The following SOAT1 variants were observed in gnomAD, a reference collection of about 807,000 sequenced individuals.
The protein encoded by SOAT1 is acyl-coenzyme A:cholesterol acyltransferase 1.
SOAT1 carries 55 observed loss-of-function variants against 69.5 expected under a neutral mutation model. The ratio of observed to expected loss-of-function variants is 0.79; its 90% CI spans 0.64 to 0.99. The LOEUF (loss-of-function observed/expected upper bound fraction) is 0.99. Among genes scored for constraint, SOAT1 ranks in the 50% least tolerant of loss-of-function variants. The pLI is 0.00. For synonymous variants in SOAT1, 231 were observed against 224.7 expected (o/e 1.03, Z -0.25); for missense variants, 580 against 669.3 (o/e 0.87, Z 1.47).
chr1:179,323,036 CT>C (rs1289815273), intron 2 of SOAT1, among the ~76,000 whole-genome samples: 3 of 118,210 alleles, frequency 2.5e-5, no homozygotes, highest in Non-Finnish European at 3.5e-5. Context: ...ATTTTCTTTT[CT>C]TTTCTTTCTT....
Position 179,337,836 on chromosome 1 carries a change from G to A in SOAT1, c.330-1G>A, listed in dbSNP as rs1231311536. ...CTTGTTTTAATTTTTCCTCTTCTCAGGGATTTGAGAGCACCTCCAGAACAA... is the reference window on the plus strand; with the variant it reads ...CTTGTTTTAATTTTTCCTCTTCTCAAGGATTTGAGAGCACCTCCAGAACAA... On this transcript the variant is annotated splice_acceptor_variant, in intron 4 of 15. Transcript: ENST00000367619. LOFTEE classifies it high-confidence loss of function. 1.9e-6 allele frequency: 3 copies of A among 1,607,106 alleles called. No individual in the cohort carries two copies. The highest frequency in any genetic ancestry group is 2.6e-6 in the Non-Finnish European group (3 of 1,176,294).
chr1:179,302,832 A>G (rs777905334), intron 2 of SOAT1, 30 bp downstream of exon 2: 42 of 1,194,910 alleles, frequency 3.5e-5, no homozygotes, highest in Middle Eastern at 4.0e-4. Context: ...TTTTAGGTGA[A>G]TTAGTGAAAT....
chr1:179,343,739 T>C (rs1666422416), intron 10 of SOAT1, 104 bp downstream of exon 10: 1 of 817,492 alleles, frequency 1.2e-6, no homozygotes, highest in South Asian at 1.6e-5. Flanking sequence ...TAAGAATGCT[T>C]TCTGTTGACA....
Position 179,351,358 on chromosome 1 carries a change from AT to A in SOAT1, c.1495del (p.Trp499GlyfsTer4). ...TGTCAATGATAGTCGGAAAAAGCCG[AT>A]TTGGAATGTTCTGATGTGGACTTCT... The part of the protein sequence containing the change: ...FIVNDSRKKP[I>X]WNVLMWTSLF... On this transcript the variant is annotated frameshift_variant, in exon 15 of 16. Coordinates refer to ENST00000367619, the MANE Select transcript of SOAT1 (RefSeq NM_003101.6). LOFTEE classifies it high-confidence loss of function. 3 of 1,614,102 alleles carry A rather than the reference AT, an allele frequency of 1.9e-6. No individual in the cohort carries two copies. Among genetic ancestry groups the A allele is most frequent in the Non-Finnish European group, 1.7e-6 (2 of 1,179,982 alleles).
At chr1:179,322,954 T>A (rs1665653859) in intron 2 of SOAT1, among the ~76,000 whole-genome samples, 1 of 152,196 alleles carries the variant, frequency 6.6e-6, no homozygotes, top group Admixed American at 6.5e-5. Flanking sequence ...CTGTACCCTG[T>A]GTTGCTTCAA....
chr1:179,351,497 C>T, intron 15 of SOAT1, 35 bp downstream of exon 15: 3 of 1,603,676 alleles, frequency 1.9e-6, no homozygotes, highest in Non-Finnish European at 2.6e-6. Flanking sequence ...GCAAAAGAAC[C>T]TGTTTATTCT....
At chr1:179,353,220 T>TAAATATATATATTTATATATATAA (rs1553248886) in intron 15 of SOAT1, among the ~76,000 whole-genome samples, 1 of 100,824 alleles carries the variant, frequency 9.9e-6, no homozygotes, top group Admixed American at 1.1e-4. Flanking sequence ...TATATATATA[T>TAAATATATATATTTATATATATAA]ATATCTATTT....
intron 2 of SOAT1, among the ~76,000 whole-genome samples, chr1:179,310,203 T>C (rs1324327333): frequency 2.6e-5 from 3 of 114,832 alleles, no homozygotes; most frequent in Non-Finnish European, 5.8e-5. Flanking sequence ...CCTGGCTGCT[T>C]ATAGATATTT....
At chr1:179,330,448 T>C (rs867695034) in intron 3 of SOAT1, among the ~76,000 whole-genome samples, 1 of 152,212 alleles carries the variant, frequency 6.6e-6, no homozygotes, top group African/African-American at 2.4e-5. Flanking sequence ...TAAACTATTA[T>C]AGAAAGGCAA....
chr1:179,322,110 C>G lies in SOAT1; in HGVS notation c.119-1327C>G, dbSNP rs1230149747. Among the ~76,000 whole-genome samples the G allele has an allele frequency of 2.0e-5, 3 of 152,110 alleles. No individual in the cohort carries two copies. The East Asian group carries it at 5.8e-4, about 29-fold the overall frequency. On this transcript the variant is annotated intron_variant, in intron 2 of 15. Transcript: ENST00000367619. ...ATGTTGTCCAGGCTGGTCTTGAACTCCTGGCAACAAATAATCCTCCCCACC... is the reference window on the plus strand; with the variant it reads ...ATGTTGTCCAGGCTGGTCTTGAACTGCTGGCAACAAATAATCCTCCCCACC...
chr1:179,343,161 AATG>A (rs1184234700), intron 9 of SOAT1, among the ~76,000 whole-genome samples: 1 of 151,922 alleles, frequency 6.6e-6, no homozygotes, highest in Non-Finnish European at 1.5e-5. Context: ...TATGGTCATA[AATG>A]ATGTTCTGAA....
At chr1:179,326,819 C>T (rs759682397) in intron 3 of SOAT1, among the ~76,000 whole-genome samples, 1 of 152,092 alleles carries the variant, frequency 6.6e-6, no homozygotes, top group Non-Finnish European at 1.5e-5. Flanking sequence ...CTCGGCCTCC[C>T]AAAGTGCAGG....
chr1:179,339,176 T>A (rs1024441017), intron 5 of SOAT1, among the ~76,000 whole-genome samples: 23 of 152,106 alleles, frequency 1.5e-4, no homozygotes, highest in African/African-American at 5.6e-4. Flanking sequence ...ATTTAGGGAG[T>A]AGAATATGAA....
chr1:179,319,023 T>A (rs745488915), intron 2 of SOAT1, among the ~76,000 whole-genome samples: 1 of 152,136 alleles, frequency 6.6e-6, no homozygotes, highest in Non-Finnish European at 1.5e-5. Context: ...CCAGACTGTT[T>A]TTCAAAGCAC....
At chr1:179,346,832 G>A (rs1363535710) in intron 11 of SOAT1, among the ~76,000 whole-genome samples, 3 of 152,136 alleles carry the variant, frequency 2.0e-5, no homozygotes, top group African/African-American at 7.2e-5. Flanking sequence ...CTATTCTGGA[G>A]GCTGAGGTGG....
At chr1:179,337,173 C>T (rs573089431) in intron 4 of SOAT1, among the ~76,000 whole-genome samples, 6 of 152,226 alleles carry the variant, frequency 3.9e-5, no homozygotes, top group Non-Finnish European at 7.4e-5. Flanking sequence ...CAGTTTTATG[C>T]CCCTGTTTGG....
intron 2 of SOAT1, among the ~76,000 whole-genome samples, chr1:179,311,501 C>A (rs555217191): frequency 6.6e-6 from 1 of 152,056 alleles, no homozygotes; most frequent in African/African-American, 2.4e-5. Context: ...GTGTAAAATT[C>A]TTTCTCAGAA....
Position 179,350,397 on chromosome 1 carries a change from T to TC in SOAT1, c.1419dup (p.Val474ArgfsTer19). ...TGGCTGTTTGCTTGAGCTTTTTCTA[T>TC]CCCGTGCTCTTCGTGCTCTTCATGT... is the stretch of plus-strand genomic sequence containing the variant. On this transcript the variant is annotated frameshift_variant, in exon 14 of 16. Transcript: ENST00000367619. LOFTEE classifies it high-confidence loss of function. The TC allele has an allele frequency of 1.2e-6, 2 of 1,614,114 alleles. No individual in the cohort carries two copies. Among genetic ancestry groups the TC allele is most frequent in the South Asian group, 2.2e-5 (2 of 91,082 alleles).
At chr1:179,295,519 C>T (rs2124925301) in intron 1 of SOAT1, among the ~76,000 whole-genome samples, 1 of 152,222 alleles carries the variant, frequency 6.6e-6, no homozygotes, top group East Asian at 1.9e-4. Context: ...GCACTTGGCC[C>T]AGAGAAAGAA....
Sources: allele counts gnomAD v4.1 joint callset (sites outside exome capture counted in the v4.1 genomes callset), GRCh38; gene constraint gnomAD v4.1.1; transcripts MANE v1.5; gene names NCBI Gene and HGNC (gene_info 2026-07-23, HGNC 2026-07-21).